ITPR1: variants seen among roughly 807,000 people sequenced by gnomAD.
The protein encoded by ITPR1 is inositol 1,4,5-trisphosphate-gated calcium channel ITPR1.
A neutral mutation model predicts 318.4 loss-of-function variants in ITPR1; 96 were observed. The ratio of observed to expected loss-of-function variants is 0.30; its 90% CI spans 0.26 to 0.36. The LOEUF is 0.36. Ranked by LOEUF, ITPR1 falls within the 10% of genes least tolerant of loss-of-function variation. ITPR1 has a pLI of 1.00. For synonymous variants in ITPR1, 1,312 were observed against 1,289.9 expected (o/e 1.02, Z -0.37); for missense variants, 2,440 against 3,460.2 (o/e 0.71, Z 7.40).
chr3:4,794,930 C>T, intron 52 of ITPR1, 135 bp from the exon 53 acceptor site: 1 of 961,140 alleles, frequency 1.0e-6, no homozygotes, highest in Non-Finnish European at 1.5e-6. Context: ...AACAAATGAT[C>T]ATTTTTACTC....
chr3:4,590,953 C>T (rs4685773), intron 4 of ITPR1, among the ~76,000 whole-genome samples: 16,741 of 152,136 alleles, frequency 0.11, 1,550 homozygotes, highest in East Asian at 0.36. Context: ...ATTTAGCTCC[C>T]ACTTATAAGT....
At chr3:4,833,681 G>A (rs2050679130) in intron 60 of ITPR1, among the ~76,000 whole-genome samples, 1 of 152,152 alleles carries the variant, frequency 6.6e-6, no homozygotes, top group Non-Finnish European at 1.5e-5. Context: ...CTGCCTGTCT[G>A]CCCTCATCCC....
intron 4 of ITPR1, among the ~76,000 whole-genome samples, chr3:4,548,742 C>G (rs2085272144): frequency 6.6e-6 from 1 of 152,078 alleles, no homozygotes; most frequent in Non-Finnish European, 1.5e-5. Context: ...AAGCCACTAG[C>G]CCTCCAATTT....
chr3:4,497,745 A>G (rs1654549393), intron 2 of ITPR1, among the ~76,000 whole-genome samples: 1 of 152,230 alleles, frequency 6.6e-6, no homozygotes, highest in South Asian at 2.1e-4. Context: ...GGACGTGAGC[A>G]GATATTTGTA....
At chr3:4,644,571 A>AGGCACCAT (rs2093412724) in intron 8 of ITPR1, among the ~76,000 whole-genome samples, 1 of 152,196 alleles carries the variant, frequency 6.6e-6, no homozygotes, top group Non-Finnish European at 1.5e-5. Flanking sequence ...TTGTCTCCAT[A>AGGCACCAT]TACAGGGTGC....
At chr3:4,518,797 C>T (rs555539430) in intron 3 of ITPR1, among the ~76,000 whole-genome samples, 4 of 152,276 alleles carry the variant, frequency 2.6e-5, no homozygotes, top group African/African-American at 4.8e-5. Context: ...CAGCTTGGTG[C>T]GGTAGCTAAC....
intron 44 of ITPR1, among the ~76,000 whole-genome samples, chr3:4,755,444 G>A (rs1209022968): frequency 6.8e-6 from 1 of 147,644 alleles, no homozygotes; most frequent in Non-Finnish European, 1.5e-5. Context: ...TTGCTATGTT[G>A]CCCAGGCTGG....
At chr3:4,739,945 G>C (rs1161371808) in intron 44 of ITPR1, among the ~76,000 whole-genome samples, 1 of 152,154 alleles carries the variant, frequency 6.6e-6, no homozygotes, top group Non-Finnish European at 1.5e-5. Flanking sequence ...TTAGAACATG[G>C]TGACTGGGTT....
At chr3:4,838,972 C>T (rs1212422575) in intron 61 of ITPR1, among the ~76,000 whole-genome samples, 1 of 152,236 alleles carries the variant, frequency 6.6e-6, no homozygotes, top group Non-Finnish European at 1.5e-5. Flanking sequence ...CTTCAGTGCA[C>T]ACTTTACAAA....
At chr3:4,615,695 C>T (rs761968331) in intron 4 of ITPR1, among the ~76,000 whole-genome samples, 9 of 152,108 alleles carry the variant, frequency 5.9e-5, no homozygotes, top group Non-Finnish European at 1.0e-4. Flanking sequence ...CTTCTTATCA[C>T]CTTTCCCTGT....
In ITPR1 at chr3:4,661,075, C is replaced by T. The variant is rs771811170; in HGVS notation, c.1239C>T (p.Pro413=). 3.8e-5 allele frequency: 60 copies of T among 1,598,994 alleles called. No homozygotes were observed. The highest frequency in any genetic ancestry group is 6.6e-5 in the South Asian group (6 of 90,696). ...CTATTGACAAGGAAGAAGAAAAGCC[C>T]GTGATGCTGAAAGTAAGTCCTGGGA... The part of the protein sequence containing the change: ...NIPIDKEEEK[P]VMLKIGTSPV... The change falls in exon 14 of 62, where the codon CCC becomes CCT. Residue 413 remains proline, a synonymous_variant. Transcript: ENST00000649015.
At chr3:4,535,324 A>G (rs1045506107) in intron 4 of ITPR1, among the ~76,000 whole-genome samples, 1 of 152,214 alleles carries the variant, frequency 6.6e-6, no homozygotes, top group Non-Finnish European at 1.5e-5. Context: ...TACAGGGTAC[A>G]AACTAACAAG....
Position 4,652,090 on chromosome 3 carries a change from C to T in ITPR1, c.856-33C>T, listed in dbSNP as rs1002751445. 3.3e-6 allele frequency: 5 copies of T among 1,499,486 alleles called. No individual in the cohort carries two copies. The African/African-American group carries it at 5.5e-5, about 16-fold the overall frequency. The allele number at this position is 1,499,486 out of a possible 1,614,324, so 92.9% of individuals were successfully genotyped here. A position where few individuals can be genotyped will look rare whatever the true frequency, so the allele number is the denominator to read the frequency against. On this transcript the variant is annotated intron_variant, in intron 10 of 61. Transcript: ENST00000649015. ...TTAATGTCTTCCTAGTGTAGGTTGA[C>T]ATTTCATTGACTCCTGTTGATCATT... is the stretch of plus-strand genomic sequence containing the variant.
rs41289636 is a variant in ITPR1, at chr3:4,673,157, G to A, written c.2226G>A (p.Ala742=). 6.2e-3 allele frequency: 10,069 copies of A among 1,613,746 alleles called. 45 individuals carry two copies. Among genetic ancestry groups the A allele is most frequent in the Non-Finnish European group, 7.6e-3 (9,021 of 1,179,722 alleles). Residue 742 remains alanine, a synonymous_variant, in exon 21 of 62, where the codon GCG becomes GCA. Coordinates refer to ENST00000649015, the MANE Select transcript of ITPR1 (RefSeq NM_001378452.1). The part of the protein sequence containing the change: ...SYYRYQLNLF[A]RMCLDRQYLA... Reference sequence around the variant, plus strand: ...CTAGATATCAGCTGAACCTCTTTGCGAGGATGTGTCTGGACCGCCAATACC... The same window carrying A: ...CTAGATATCAGCTGAACCTCTTTGCAAGGATGTGTCTGGACCGCCAATACC...
intron 36 of ITPR1, among the ~76,000 whole-genome samples, chr3:4,704,759 C>T (rs904060352): frequency 3.3e-5 from 5 of 150,768 alleles, no homozygotes; most frequent in African/African-American, 4.9e-5. Flanking sequence ...GTCTGTGGAA[C>T]GGTAAGACAT....
At chr3:4,773,528 T>A (rs1201113166) in intron 46 of ITPR1, among the ~76,000 whole-genome samples, 2 of 152,192 alleles carry the variant, frequency 1.3e-5, no homozygotes, top group Non-Finnish European at 2.9e-5. Context: ...GAACATTTGT[T>A]ACATATTAAT....
chr3:4,686,249 T>C (rs2094392087), intron 30 of ITPR1, among the ~76,000 whole-genome samples: 1 of 152,174 alleles, frequency 6.6e-6, no homozygotes, highest in South Asian at 2.1e-4. Context: ...CGCCTTCTAC[T>C]CCAGGAAATT....
At chr3:4,771,826 G>T (rs2046207333) in intron 46 of ITPR1, among the ~76,000 whole-genome samples, 1 of 152,040 alleles carries the variant, frequency 6.6e-6, no homozygotes, top group Non-Finnish European at 1.5e-5. Flanking sequence ...TTTTTGGCTT[G>T]GGGGAGCGCA....
In ITPR1 at chr3:4,715,564, C is replaced by G. The variant is rs556776941; in HGVS notation, c.5104-1803C>G. ...CCCCCAAGAAGTGCCTGTTCAAGAA[C>G]TATCATGGCCGGATATGGTGGCTCA... On this transcript the variant is annotated intron_variant, in intron 39 of 61. Coordinates refer to ENST00000649015, the MANE Select transcript of ITPR1 (RefSeq NM_001378452.1). Among the ~76,000 whole-genome samples, 14 of 152,296 alleles carry G rather than the reference C, an allele frequency of 9.2e-5. 1 individual carries two copies. In the East Asian group the frequency reaches 2.5e-3, roughly 27 times the overall value.
Sources: allele counts gnomAD v4.1 joint callset (sites outside exome capture counted in the v4.1 genomes callset), GRCh38; gene constraint gnomAD v4.1.1; transcripts MANE v1.5; gene names NCBI Gene and HGNC (gene_info 2026-07-23, HGNC 2026-07-21).